The following TNFAIP8 variants were observed in gnomAD, a reference collection of about 807,000 sequenced individuals.
TNFAIP8 encodes tumor necrosis factor alpha-induced protein 8.
In TNFAIP8, 7 loss-of-function variants were observed where a neutral mutation model predicts 13.3. The observed-to-expected ratio is 0.52, with a 90% CI of 0.30 to 0.99. The LOEUF (loss-of-function observed/expected upper bound fraction) is 0.99, where lower values mean the gene tolerates loss of function less well. TNFAIP8 is among the 50% of genes least tolerant of loss of function. The probability of loss-of-function intolerance (pLI) is 0.07; values close to 1 mark genes in which losing one functional copy is unlikely to be tolerated. For missense variants in TNFAIP8, 258 were observed against 236.9 expected (o/e 1.09, Z -0.58); for synonymous variants, 94 against 87.6 (o/e 1.07, Z -0.41).
Position 119,395,043 on chromosome 5 carries a change from G to T in TNFAIP8, c.*1662G>T, listed in dbSNP as rs1352663945. ...TCTAACCCATTTCAGCCTAGAGAGG[G>T]TGGTCAGTTTCTCTGACACCCTCAT... On this transcript the variant is annotated 3_prime_UTR_variant, in exon 2 of 2. Coordinates refer to ENST00000504771, the MANE Select transcript of TNFAIP8 (RefSeq NM_014350.4). The T allele has an allele frequency of 6.6e-6, 1 of 152,174 alleles. No individual in the cohort carries two copies. The highest frequency in any genetic ancestry group is 1.5e-5 in the Non-Finnish European group (1 of 68,038). 9.4% of individuals were successfully genotyped at this position (152,174 alleles called of 1,614,324 possible). A position where few individuals can be genotyped will look rare whatever the true frequency, so the allele number is the denominator to read the frequency against.
At chr5:119,304,815 C>G (rs766463411) in intron 1 of TNFAIP8, among the ~76,000 whole-genome samples, 26 of 152,188 alleles carry the variant, frequency 1.7e-4, no homozygotes, top group Non-Finnish European at 3.4e-4. Context: ...AGCAAATCAG[C>G]ATATTTCTGT....
At chr5:119,297,589 C>T (rs1311094592) in intron 1 of TNFAIP8, among the ~76,000 whole-genome samples, 6 of 152,158 alleles carry the variant, frequency 3.9e-5, no homozygotes, top group East Asian at 3.9e-4. Context: ...TCTGTTGATT[C>T]AGGGTGGAGA....
At chr5:119,306,318 C>CTTTTTTTTTTTTTTTTTT (rs770923933) in intron 1 of TNFAIP8, 2 of 121,756 alleles carry the variant, frequency 1.6e-5, no homozygotes, top group African/African-American at 4.2e-5. Context: ...TTCTTTCTTT[C>CTTTTTTTTTTTTTTTTTT]TTTTTCTTTT....
intron 1 of TNFAIP8, among the ~76,000 whole-genome samples, chr5:119,330,114 A>G (rs914852802): frequency 1.3e-5 from 2 of 152,106 alleles, no homozygotes; most frequent in East Asian, 3.9e-4. Context: ...CACGCCATTG[A>G]AAGAGTTAGC....
At chr5:119,296,901 A>G (rs1160193693) in intron 1 of TNFAIP8, among the ~76,000 whole-genome samples, 1 of 151,884 alleles carries the variant, frequency 6.6e-6, no homozygotes, top group Non-Finnish European at 1.5e-5. Context: ...TAGATTTTCT[A>G]GTTTATTTGC....
At chr5:119,276,221 G>T (rs944765048) in intron 1 of TNFAIP8, among the ~76,000 whole-genome samples, 1 of 151,628 alleles carries the variant, frequency 6.6e-6, no homozygotes, top group African/African-American at 2.4e-5. Context: ...GGGTTCAAGC[G>T]AAGCTCCTAC....
chr5:119,346,752 T>C (rs1415043659), intron 1 of TNFAIP8, among the ~76,000 whole-genome samples: 1 of 152,204 alleles, frequency 6.6e-6, no homozygotes, highest in East Asian at 1.9e-4. Context: ...AAATGTTGTG[T>C]ATTGCTTTGT....
At chr5:119,268,789 C>G (rs935186320) in exon 1 of TNFAIP8, 12 of 689,566 alleles carry the variant, frequency 1.7e-5, no homozygotes, top group Admixed American at 1.2e-4. Context: ...CCGGCTCTAA[C>G]CCGCGCTTGG....
intron 1 of TNFAIP8, among the ~76,000 whole-genome samples, chr5:119,324,266 C>A (rs188471239): frequency 1.1e-3 from 100 of 88,876 alleles, no homozygotes; most frequent in African/African-American, 4.1e-3. Context: ...CAAAGCAAGA[C>A]GCCATCTCAA....
chr5:119,341,988 A>T (rs1455121827), intron 1 of TNFAIP8, among the ~76,000 whole-genome samples: 1 of 143,224 alleles, frequency 7.0e-6, no homozygotes, highest in East Asian at 1.9e-4. Context: ...CTACCCTTGT[A>T]ACAGCCTTAA....
At chr5:119,281,401 G>T (rs996539487) in intron 1 of TNFAIP8, among the ~76,000 whole-genome samples, 3 of 151,584 alleles carry the variant, frequency 2.0e-5, no homozygotes, top group Non-Finnish European at 4.4e-5. Flanking sequence ...TAAAGTTCAA[G>T]ACTATAGGGT....
At chr5:119,303,072 C>T (rs1749444651) in intron 1 of TNFAIP8, among the ~76,000 whole-genome samples, 1 of 152,126 alleles carries the variant, frequency 6.6e-6, no homozygotes, top group Non-Finnish European at 1.5e-5. Flanking sequence ...CCTTCATGTG[C>T]CTAGTGCCCT....
chr5:119,270,173 T>G (rs766535990), intron 1 of TNFAIP8, among the ~76,000 whole-genome samples: 1 of 152,226 alleles, frequency 6.6e-6, no homozygotes, highest in Non-Finnish European at 1.5e-5. Context: ...CATTGGCACA[T>G]GAAAGGTAAG....
intron 1 of TNFAIP8, chr5:119,306,318 C>CTTTTTTTTTTTTTTTTTTTTTTTTT (rs770923933): frequency 2.5e-5 from 3 of 121,756 alleles, no homozygotes; most frequent in African/African-American, 1.2e-4. Context: ...TTCTTTCTTT[C>CTTTTTTTTTTTTTTTTTTTTTTTTT]TTTTTCTTTT....
chr5:119,273,464 G>T (rs1748351401), intron 1 of TNFAIP8, among the ~76,000 whole-genome samples: 1 of 152,196 alleles, frequency 6.6e-6, no homozygotes, highest in South Asian at 2.1e-4. Flanking sequence ...ATTGCTAGCT[G>T]CAGGGTCACA....
At chr5:119,329,196 C>A (rs1750305191) in intron 1 of TNFAIP8, among the ~76,000 whole-genome samples, 1 of 152,220 alleles carries the variant, frequency 6.6e-6, no homozygotes, top group South Asian at 2.1e-4. Context: ...ATGGTATCAG[C>A]GGTCTTGCCA....
chr5:119,355,300 G>C (rs1192373255), upstream of TNFAIP8: 1 of 701,614 alleles, frequency 1.4e-6, no homozygotes, highest in Non-Finnish European at 2.6e-6. Context: ...AGTAACTGCA[G>C]CAATGAGTGC....
At chr5:119,391,347 C>G (rs1479675363) in intron 1 of TNFAIP8, 1 of 701,568 alleles carries the variant, frequency 1.4e-6, no homozygotes, top group Non-Finnish European at 2.6e-6. Flanking sequence ...TACCAAATGA[C>G]TGCTTTCTGA....
intron 1 of TNFAIP8, among the ~76,000 whole-genome samples, chr5:119,271,961 G>A (rs1188277432): frequency 1.3e-5 from 2 of 152,140 alleles, no homozygotes; most frequent in Non-Finnish European, 2.9e-5. Context: ...TGTGGCCCTG[G>A]AGTCTGAGCC....
Sources: allele counts gnomAD v4.1 joint callset (sites outside exome capture counted in the v4.1 genomes callset), GRCh38; gene constraint gnomAD v4.1.1; transcripts MANE v1.5; gene names NCBI Gene and HGNC (gene_info 2026-07-23, HGNC 2026-07-21).